The following MAP2K6 variants were observed in gnomAD, a reference collection of about 807,000 sequenced individuals.
The protein encoded by MAP2K6 is dual specificity mitogen-activated protein kinase kinase 6.
A neutral mutation model predicts 53.7 loss-of-function variants in MAP2K6; 16 were observed. The observed-to-expected ratio is 0.30, with a 90% CI of 0.20 to 0.45. MAP2K6 has a LOEUF of 0.45. Among genes scored for constraint, MAP2K6 ranks in the 20% least tolerant of loss-of-function variants. The pLI is 1.00. For synonymous variants in MAP2K6, 132 were observed against 143.1 expected (o/e 0.92, Z 0.55); for missense variants, 204 against 411.9 (o/e 0.50, Z 4.37).
chr17:69,479,420 T>C (rs1908271345), intron 1 of MAP2K6, among the ~76,000 whole-genome samples: 1 of 152,152 alleles, frequency 6.6e-6, no homozygotes. Flanking sequence ...AAAATTACCT[T>C]CAAGCTATGT....
Position 69,469,723 on chromosome 17 carries a change from A to C in MAP2K6, c.17-36057A>C, listed in dbSNP as rs140146452. On this transcript the variant is annotated intron_variant, in intron 1 of 11. Transcript: ENST00000590474. ...GGTTACAGGGAATGGAGATCGCTCCACTGCACCCCAGCCTGGGGGCAATGG... is the reference window on the plus strand; with the variant it reads ...GGTTACAGGGAATGGAGATCGCTCCCCTGCACCCCAGCCTGGGGGCAATGG... Among the ~76,000 whole-genome samples, 1,234 of 152,246 alleles carry C rather than the reference A, an allele frequency of 8.1e-3. 9 individuals are homozygous for C. The highest frequency in any genetic ancestry group is 0.014 in the Non-Finnish European group (958 of 67,998).
At chr17:69,443,415 G>A (rs1009092837) in intron 1 of MAP2K6, among the ~76,000 whole-genome samples, 2 of 152,172 alleles carry the variant, frequency 1.3e-5, no homozygotes, top group African/African-American at 4.8e-5. Flanking sequence ...CGACCTGTTT[G>A]TGGTAGTGTT....
chr17:69,549,356 T>C lies in MAP2K6; in HGVS notation c.*7603T>C, dbSNP rs1402121565. 6.6e-6 allele frequency: 1 copy of C among 152,320 alleles called. No individual in the cohort carries two copies. The highest frequency in any genetic ancestry group is 1.9e-4 in the East Asian group (1 of 5,188). The allele number at this position is 152,320 out of a possible 1,614,324, so 9.4% of individuals were successfully genotyped here. ...GAGCGTATTGGCAAGTTTAGGCACT[T>C]ACTTGTGTCTTAATGTGGGAAACAG... On this transcript the variant is annotated 3_prime_UTR_variant, in exon 12 of 12. Transcript: ENST00000590474.
intron 1 of MAP2K6, among the ~76,000 whole-genome samples, chr17:69,458,047 CCTT>C (rs1291646011): frequency 1.3e-5 from 2 of 152,012 alleles, no homozygotes; most frequent in East Asian, 3.9e-4. Flanking sequence ...TTCTGTCCCT[CCTT>C]CTTTCTTTCA....
At chr17:69,536,358 T>G (rs1277511200) in intron 11 of MAP2K6, among the ~76,000 whole-genome samples, 198 bp downstream of exon 11, 1 of 152,242 alleles carries the variant, frequency 6.6e-6, no homozygotes, top group East Asian at 1.9e-4. Context: ...GACCTGTCAC[T>G]ATTCTTAGTA....
At chr17:69,514,664 C>A (rs906185348) in intron 2 of MAP2K6, among the ~76,000 whole-genome samples, 1 of 151,980 alleles carries the variant, frequency 6.6e-6, no homozygotes, top group Non-Finnish European at 1.5e-5. Context: ...TGGGTTCAAG[C>A]GATTCTCCTG....
chr17:69,469,791 A>G (rs1907928077), intron 1 of MAP2K6, among the ~76,000 whole-genome samples: 1 of 152,098 alleles, frequency 6.6e-6, no homozygotes, highest in Non-Finnish European at 1.5e-5. Flanking sequence ...AAATAAAGAG[A>G]AAAGTATCTT....
intron 1 of MAP2K6, among the ~76,000 whole-genome samples, chr17:69,449,531 GTCTTTCTT>G (rs1229807133): frequency 0.011 from 1,170 of 103,340 alleles, 11 homozygotes; most frequent in Non-Finnish European, 0.012. Flanking sequence ...TTCTTTCTTT[GTCTTTCTT>G]TCTTTCTTTC....
chr17:69,531,472 TG>T (rs1199938855), intron 10 of MAP2K6, among the ~76,000 whole-genome samples: 1 of 152,204 alleles, frequency 6.6e-6, no homozygotes, highest in African/African-American at 2.4e-5. Flanking sequence ...CACTCTTGTC[TG>T]GCCCATCAGT....
intron 1 of MAP2K6, among the ~76,000 whole-genome samples, chr17:69,498,693 C>CAG (rs143094012): frequency 1.3e-5 from 2 of 150,072 alleles, no homozygotes; most frequent in African/African-American, 2.4e-5. Flanking sequence ...CACGTGCACG[C>CAG]AGAGAGAGAG....
chr17:69,452,920 G>C (rs1438614148), intron 1 of MAP2K6, among the ~76,000 whole-genome samples: 7 of 152,222 alleles, frequency 4.6e-5, no homozygotes, highest in Non-Finnish European at 2.9e-5. Context: ...ATTATAGTCA[G>C]TTGGTGATGA....
chr17:69,494,827 G>A lies in MAP2K6; in HGVS notation c.17-10953G>A, dbSNP rs1449475889. Among the ~76,000 whole-genome samples, 3 of 151,810 alleles carry A rather than the reference G, an allele frequency of 2.0e-5. No homozygotes were observed. Among genetic ancestry groups the A allele is most frequent in the Non-Finnish European group, 2.9e-5 (2 of 67,958 alleles). On this transcript the variant is annotated intron_variant, in intron 1 of 11. Transcript: ENST00000590474. This position sits in a 1 kb window ranked among gnomAD's most constrained non-coding sequence, Gnocchi z 4.2. ...TCGAGACCAGCCTGGCCAACATGGC[G>A]AAACCCTGTTTCTACTAAAAATACA...
chr17:69,505,711 C>A, intron 1 of MAP2K6, 69 bp from the exon 2 acceptor site: 1 of 1,254,924 alleles, frequency 8.0e-7, no homozygotes, highest in Non-Finnish European at 1.2e-6. Flanking sequence ...TTTCCTTTGC[C>A]GCAGTCTCTT....
At chr17:69,537,594 G>GA (rs1270055880) in intron 11 of MAP2K6, among the ~76,000 whole-genome samples, 1 of 152,202 alleles carries the variant, frequency 6.6e-6, no homozygotes, top group African/African-American at 2.4e-5. Flanking sequence ...AGCTGATCAG[G>GA]AAGATGCGTG....
chr17:69,501,950 TGTTAGC>T (rs1189793008), intron 1 of MAP2K6, among the ~76,000 whole-genome samples: 1 of 146,776 alleles, frequency 6.8e-6, no homozygotes, highest in African/African-American at 2.5e-5. Flanking sequence ...CAGTGTTCAA[TGTTAGC>T]GTCAGGTGTT....
rs554524612 is a variant in MAP2K6, at chr17:69,423,476, C to T, written c.16+8476C>T. Among the ~76,000 whole-genome samples, 572 of 152,258 alleles carry T rather than the reference C, an allele frequency of 3.8e-3. 3 individuals carry two copies. Among genetic ancestry groups the T allele is most frequent in the African/African-American group, 0.013 (531 of 41,546 alleles). ...GTCCCTTGCAGAAAATGTTTGTTGACCCTTTCCTTTATGACTTTATTCCAT... is the reference window on the plus strand; with the variant it reads ...GTCCCTTGCAGAAAATGTTTGTTGATCCTTTCCTTTATGACTTTATTCCAT... On this transcript the variant is annotated intron_variant, in intron 1 of 11. Coordinates refer to ENST00000590474, the MANE Select transcript of MAP2K6 (RefSeq NM_002758.4).
At chr17:69,498,947 C>T (rs1308853071) in intron 1 of MAP2K6, among the ~76,000 whole-genome samples, 1 of 152,070 alleles carries the variant, frequency 6.6e-6, no homozygotes, top group Non-Finnish European at 1.5e-5. Context: ...CATGTCTGGC[C>T]ACTGGTTTGG....
In MAP2K6 at chr17:69,544,663, AT is replaced by A. The variant is rs1911807721; in HGVS notation, c.*2915del. 6.6e-6 allele frequency: 1 copy of A among 152,208 alleles called. No homozygotes were observed. The highest frequency in any genetic ancestry group is 1.5e-5 in the Non-Finnish European group (1 of 68,032). The allele number at this position is 152,208 out of a possible 1,614,324, so 9.4% of individuals were successfully genotyped here. ...GTATCATATAATTGTCCATGTTATA[AT>A]TTTTGAAAATGTTTATTAAAATAGC... On this transcript the variant is annotated 3_prime_UTR_variant, in exon 12 of 12. Coordinates refer to ENST00000590474, the MANE Select transcript of MAP2K6 (RefSeq NM_002758.4).
chr17:69,502,342 TC>T (rs763648061), intron 1 of MAP2K6: 1 of 985,480 alleles, frequency 1.0e-6, no homozygotes, highest in Non-Finnish European at 1.2e-6. Flanking sequence ...CTGCTGGTCT[TC>T]CTTGCAGCCT....
Sources: allele counts gnomAD v4.1 joint callset (sites outside exome capture counted in the v4.1 genomes callset), GRCh38; gene constraint gnomAD v4.1.1; non-coding constraint Gnocchi (gnomAD v3.1); transcripts MANE v1.5; gene names NCBI Gene and HGNC (gene_info 2026-07-23, HGNC 2026-07-21).